The following OR52I2 variants were observed in gnomAD, a reference collection of about 807,000 sequenced individuals.
OR52I2 encodes olfactory receptor 52I2.
For synonymous variants in OR52I2, 147 were observed against 151.9 expected (o/e 0.97, Z 0.24); for missense variants, 350 against 402.4 (o/e 0.87, Z 1.11).
At chr11:4,591,548 G>A (rs1006802746) in exon 2 of OR52I2, 3 of 152,040 alleles carry the variant, frequency 2.0e-5, no homozygotes, top group Non-Finnish European at 4.4e-5. Flanking sequence ...GTTTTAGGAA[G>A]GAGATCAATT....
chr11:4,584,161 C>T (rs1846281470), intron 1 of OR52I2, among the ~76,000 whole-genome samples: 1 of 152,162 alleles, frequency 6.6e-6, no homozygotes, highest in Non-Finnish European at 1.5e-5. Context: ...AAGAAATAGA[C>T]AAAGCAAGCT....
chr11:4,584,651 C>CA (rs1444583675), intron 1 of OR52I2, among the ~76,000 whole-genome samples: 40 of 149,894 alleles, frequency 2.7e-4, no homozygotes, highest in East Asian at 5.8e-4. Flanking sequence ...GATGAAGAAA[C>CA]AAAAAAAAAT....
At chr11:4,582,965 G>A (rs1846270982) in intron 1 of OR52I2, among the ~76,000 whole-genome samples, 1 of 152,056 alleles carries the variant, frequency 6.6e-6, no homozygotes, top group Admixed American at 6.6e-5. Context: ...TCATCTAACT[G>A]AACATTTGAG....
chr11:4,586,822 C>T, intron 1 of OR52I2, 50 bp from the exon 2 acceptor site: 1 of 1,612,866 alleles, frequency 6.2e-7, no homozygotes, highest in South Asian at 1.1e-5. Context: ...CATGTGTCAA[C>T]AAATCTTACG....
At chr11:4,592,402 T>A (rs1640637775) in exon 2 of OR52I2, 1 of 152,170 alleles carries the variant, frequency 6.6e-6, no homozygotes, top group African/African-American at 2.4e-5. Context: ...TCCTGCCCTT[T>A]GATGATGTGG....
At chr11:4,587,614 T>G (rs201041223) in exon 2 of OR52I2, 6 of 1,614,088 alleles carry the variant, frequency 3.7e-6, no homozygotes, top group Non-Finnish European at 5.1e-6. Context: ...GTTGAAAGCA[T>G]TAAGCACATG....
In OR52I2 at chr11:4,581,869, G is replaced by C. The variant is rs1337029011; in HGVS notation, c.-20+5G>C. 6 of 152,206 alleles carry C rather than the reference G, an allele frequency of 3.9e-5. No homozygotes were observed. Among genetic ancestry groups the C allele is most frequent in the Non-Finnish European group, 7.3e-5 (5 of 68,044 alleles). The allele number at this position is 152,206 out of a possible 1,614,324, so 9.4% of individuals were successfully genotyped here. On this transcript the variant is annotated splice_donor_5th_base_variant and intron_variant, in intron 1 of 1. Coordinates refer to ENST00000641896, the Ensembl canonical transcript of OR52I2. ...AATAGAGAAGATTCCAAGGATGTAG[G>C]TAACTGACCTGGGAATCAGGTGTTG...
At chr11:4,587,063 C>T in exon 2 of OR52I2, 1 of 1,614,160 alleles carries the variant, frequency 6.2e-7, no homozygotes, top group Non-Finnish European at 8.5e-7. Context: ...ATGGATTCCA[C>T]TCGGCATGAG....
chr11:4,587,843 A>T (rs750174038), exon 2 of OR52I2: 1 of 1,613,870 alleles, frequency 6.2e-7, no homozygotes, highest in Non-Finnish European at 8.5e-7. Context: ...GTCCTCTTTG[A>T]CCATTCCAAC....
exon 2 of OR52I2, chr11:4,592,142 CTGTTTTACTATATTATAGCTA>C (rs1846354943): frequency 6.6e-6 from 1 of 152,154 alleles, no homozygotes; most frequent in Non-Finnish European, 1.5e-5. Flanking sequence ...AAACCGTCTT[CTGTTTTACTATATTATAGCTA>C]TATTTTATTG....
Position 4,586,855 on chromosome 11 carries a change from C to A in OR52I2, c.-19-17C>A. On this transcript the variant is annotated splice_polypyrimidine_tract_variant and intron_variant, in intron 1 of 1. Transcript: ENST00000641896. ...ACGGGATTGCATTCTTCTCATACAT[C>A]ATTTGTGCATTAACAGGAAAAAAGT... The A allele has an allele frequency of 1.2e-6, 2 of 1,614,078 alleles. No individual in the cohort carries two copies. The highest frequency in any genetic ancestry group is 8.5e-7 in the Non-Finnish European group (1 of 1,179,968).
chr11:4,583,541 C>T (rs1846276665), intron 1 of OR52I2, among the ~76,000 whole-genome samples: 1 of 152,152 alleles, frequency 6.6e-6, no homozygotes, highest in Non-Finnish European at 1.5e-5. Flanking sequence ...TCAAGCATAT[C>T]CTGAATTTTC....
At chr11:4,587,692 T>G (rs369845471) in exon 2 of OR52I2, 14 of 1,614,082 alleles carry the variant, frequency 8.7e-6, no homozygotes, top group Non-Finnish European at 1.0e-5. Context: ...TGCGGCCTGG[T>G]TGGGGCAGGA....
At chr11:4,583,801 G>T (rs188560867) in intron 1 of OR52I2, among the ~76,000 whole-genome samples, 2 of 152,278 alleles carry the variant, frequency 1.3e-5, no homozygotes, top group South Asian at 2.1e-4. Context: ...AAGAATTTTG[G>T]CTTTTTAGAA....
exon 2 of OR52I2, chr11:4,592,845 T>C (rs1348474233): frequency 6.6e-6 from 1 of 152,198 alleles, no homozygotes; most frequent in African/African-American, 2.4e-5. Flanking sequence ...TGCACAGCAG[T>C]AGCTATCTTT....
intron 1 of OR52I2, among the ~76,000 whole-genome samples, chr11:4,585,261 A>G (rs1846290970): frequency 6.6e-6 from 1 of 152,128 alleles, no homozygotes; most frequent in African/African-American, 2.4e-5. Context: ...AGTATGCAGG[A>G]TTTGTAGGCT....
At chr11:4,583,589 C>G (rs1373988621) in intron 1 of OR52I2, among the ~76,000 whole-genome samples, 1 of 152,182 alleles carries the variant, frequency 6.6e-6, no homozygotes, top group Non-Finnish European at 1.5e-5. Context: ...AAAAGCTTTC[C>G]CTAATCTTCT....
intron 1 of OR52I2, among the ~76,000 whole-genome samples, chr11:4,585,765 C>G (rs1846295514): frequency 6.6e-6 from 1 of 152,206 alleles, no homozygotes; most frequent in Non-Finnish European, 1.5e-5. Context: ...AAACCCAAAA[C>G]TTACCACACA....
At chr11:4,592,630 T>G (rs774270014) in exon 2 of OR52I2, 3 of 152,158 alleles carry the variant, frequency 2.0e-5, no homozygotes, top group Non-Finnish European at 4.4e-5. Context: ...TATGAAATCA[T>G]GGAAACCAAT....
Sources: gnomAD v4.1 joint callset for allele counts (sites outside exome capture counted in the v4.1 genomes callset) on GRCh38, gnomAD v4.1.1 for gene constraint, MANE v1.5 for transcripts, NCBI Gene and HGNC (gene_info 2026-07-23, HGNC 2026-07-21) for gene names.